The following TAFA5 variants were observed in gnomAD, a reference collection of about 807,000 sequenced individuals.
TAFA5 encodes chemokine-like protein TAFA-5.
A neutral mutation model predicts 15.3 loss-of-function variants in TAFA5; 6 were observed. The observed-to-expected ratio is 0.39, with a 90% CI of 0.21 to 0.77. The LOEUF (loss-of-function observed/expected upper bound fraction) is 0.77. Ranked by LOEUF, TAFA5 falls within the 30% of genes least tolerant of loss-of-function variation. The pLI is 0.41. For synonymous variants in TAFA5, 103 were observed against 80.7 expected, an observed-to-expected ratio of 1.28 and a Z score of -1.48; for missense variants, 161 against 193.1, an observed-to-expected ratio of 0.83 and a Z score of 0.98.
Position 48,553,338 on chromosome 22 carries a change from G to T in TAFA5, c.112+63634G>T, listed in dbSNP as rs1033127128. Among the ~76,000 whole-genome samples, 4 of 152,290 alleles carry T rather than the reference G, an allele frequency of 2.6e-5. No individual in the cohort carries two copies. In the East Asian group the frequency reaches 5.8e-4, roughly 22 times the overall value. On this transcript the variant is annotated intron_variant, in intron 1 of 3. Transcript: ENST00000402357. ...CCATGTGCCCCCACAGACACGGGTC[G>T]GTCTCAGCTCTGTTCCTGGCTGCAT... is the stretch of plus-strand genomic sequence containing the variant.
chr22:48,612,156 T>G (rs1316615482), intron 1 of TAFA5, among the ~76,000 whole-genome samples: 7 of 152,136 alleles, frequency 4.6e-5, no homozygotes, highest in African/African-American at 1.7e-4. Flanking sequence ...CGGACGGGGC[T>G]TCCTCCCCTG....
At chr22:48,665,902 C>T (rs989537657) in intron 2 of TAFA5, among the ~76,000 whole-genome samples, 1 of 152,052 alleles carries the variant, frequency 6.6e-6, no homozygotes, top group Non-Finnish European at 1.5e-5. Flanking sequence ...GGGTGGGATT[C>T]GCAGTGGGGA....
chr22:48,681,480 T>TA (rs1288242217), intron 2 of TAFA5, among the ~76,000 whole-genome samples: 28 of 87,952 alleles, frequency 3.2e-4, no homozygotes, highest in East Asian at 1.2e-3. Context: ...CTGTCTCTAC[T>TA]AAAAAAATAC....
chr22:48,629,813 G>A (rs564430685), intron 1 of TAFA5, among the ~76,000 whole-genome samples: 1 of 152,234 alleles, frequency 6.6e-6, no homozygotes, highest in Non-Finnish European at 1.5e-5. Flanking sequence ...CATCGCCTCT[G>A]CAGGAAACCC....
intron 1 of TAFA5, among the ~76,000 whole-genome samples, chr22:48,646,070 A>C (rs971002179): frequency 6.6e-6 from 1 of 152,172 alleles, no homozygotes; most frequent in African/African-American, 2.4e-5. Flanking sequence ...CCAGGCAGGC[A>C]TGGCAGTTCC....
chr22:48,664,247 G>T (rs1927539910), intron 2 of TAFA5, among the ~76,000 whole-genome samples: 1 of 152,174 alleles, frequency 6.6e-6, no homozygotes, highest in Non-Finnish European at 1.5e-5. Flanking sequence ...TGTATCACTT[G>T]TGAATAATGG....
chr22:48,651,253 C>T (rs994826369), intron 2 of TAFA5, among the ~76,000 whole-genome samples: 3 of 152,242 alleles, frequency 2.0e-5, no homozygotes, highest in South Asian at 2.1e-4. Context: ...CGGTCGTGGG[C>T]GGGGGCAGTT....
chr22:48,582,675 C>T (rs1924110851), intron 1 of TAFA5, among the ~76,000 whole-genome samples: 1 of 150,638 alleles, frequency 6.6e-6, no homozygotes, highest in Non-Finnish European at 1.5e-5. Context: ...AAATACACCA[C>T]ACACGAAATA....
chr22:48,739,869 C>T lies in TAFA5; in HGVS notation c.391-9970C>T, dbSNP rs141670542. On this transcript the variant is annotated intron_variant, in intron 3 of 3. Coordinates refer to ENST00000402357, the MANE Select transcript of TAFA5 (RefSeq NM_001082967.3). ...GTGCACAGCTCCCTTTATTCCCCGG[C>T]GCGAGGCACGATTACTCCATGGTCT... 2.7e-3 allele frequency among the ~76,000 whole-genome samples: 405 copies of T among 152,282 alleles called. 2 individuals are homozygous for T. The highest frequency in any genetic ancestry group is 9.1e-3 in the African/African-American group (377 of 41,528).
chr22:48,685,396 C>A (rs1408765805), intron 2 of TAFA5, among the ~76,000 whole-genome samples: 3 of 152,224 alleles, frequency 2.0e-5, no homozygotes, highest in Admixed American at 1.3e-4. Context: ...ATTTTCCTCA[C>A]AAGAGACGGC....
intron 3 of TAFA5, among the ~76,000 whole-genome samples, chr22:48,734,169 CAG>C (rs778686843): frequency 1.3e-5 from 2 of 152,254 alleles, no homozygotes; most frequent in East Asian, 3.9e-4. Context: ...CAGCAGAAAA[CAG>C]AAAGTAACTT....
chr22:48,546,413 C>T, intron 1 of TAFA5: 1 of 455,704 alleles, frequency 2.2e-6, no homozygotes, highest in Admixed American at 2.4e-5. Flanking sequence ...TCTTGGAGGT[C>T]CCCGAGTGAC....
chr22:48,729,823 C>T (rs1979556177), intron 3 of TAFA5, among the ~76,000 whole-genome samples: 1 of 149,016 alleles, frequency 6.7e-6, no homozygotes, highest in African/African-American at 2.5e-5. Flanking sequence ...AGAAAGTGTC[C>T]CAAAAGATAA....
intron 1 of TAFA5, chr22:48,539,415 G>T (rs529943214): frequency 2.1e-6 from 1 of 471,230 alleles, no homozygotes; most frequent in East Asian, 6.9e-5. Flanking sequence ...TGTTTCCCAG[G>T]CAGGAAAAGC....
chr22:48,712,242 A>T (rs1206102427), intron 3 of TAFA5, among the ~76,000 whole-genome samples: 2 of 152,158 alleles, frequency 1.3e-5, no homozygotes, highest in Admixed American at 1.3e-4. Flanking sequence ...GTTTTAGTAG[A>T]GGCAGGGTTT....
At chr22:48,631,986 C>T (rs757596186) in intron 1 of TAFA5, among the ~76,000 whole-genome samples, 16 of 152,300 alleles carry the variant, frequency 1.1e-4, no homozygotes, top group Admixed American at 8.5e-4. Context: ...GCCAGACACA[C>T]GGCTCGGTAC....
intron 1 of TAFA5, chr22:48,576,325 C>G: frequency 1.7e-6 from 2 of 1,206,510 alleles, no homozygotes; most frequent in Non-Finnish European, 2.1e-6. Flanking sequence ...AATCGCCTCC[C>G]GGAGTGGCGC....
intron 1 of TAFA5, chr22:48,546,497 C>T (rs1848145081): frequency 4.2e-6 from 2 of 471,182 alleles, no homozygotes; most frequent in Non-Finnish European, 8.8e-6. Flanking sequence ...TGTGTGGACG[C>T]CCCTGTTTTT....
intron 1 of TAFA5, chr22:48,544,374 G>A: frequency 6.1e-6 from 2 of 328,124 alleles, no homozygotes; most frequent in Non-Finnish European, 1.2e-5. Context: ...ACTGGCTTGG[G>A]GGCAGTTCAG....
Sources: allele counts gnomAD v4.1 joint callset (sites outside exome capture counted in the v4.1 genomes callset), GRCh38; gene constraint gnomAD v4.1.1; transcripts MANE v1.5; gene names NCBI Gene and HGNC (gene_info 2026-07-23, HGNC 2026-07-21).